DDX10: variants seen among roughly 807,000 people sequenced by gnomAD.
The protein encoded by DDX10 is probable ATP-dependent RNA helicase DDX10.
A neutral mutation model predicts 104.3 loss-of-function variants in DDX10; 74 were observed. The ratio of observed to expected loss-of-function variants is 0.71; its 90% confidence interval spans 0.59 to 0.86. DDX10 has a LOEUF of 0.86. Among genes scored for constraint, DDX10 ranks in the 40% least tolerant of loss-of-function variants. The pLI is 0.00. For synonymous variants in DDX10, 351 were observed against 353.4 expected (o/e 0.99, Z 0.08); for missense variants, 952 against 1,040.0 (o/e 0.92, Z 1.16).
intron 13 of DDX10, among the ~76,000 whole-genome samples, chr11:108,802,164 G>A (rs1862031432): frequency 6.6e-6 from 1 of 152,044 alleles, no homozygotes; most frequent in Non-Finnish European, 1.5e-5. Flanking sequence ...ATATGCATGG[G>A]ACCAGAAGTG....
At chr11:108,916,349 T>C (rs1343010703) in intron 16 of DDX10, among the ~76,000 whole-genome samples, 1 of 152,218 alleles carries the variant, frequency 6.6e-6, no homozygotes, top group African/African-American at 2.4e-5. Flanking sequence ...CTGTCAAGTG[T>C]GCTGCTTAAT....
At chr11:108,749,037 T>A (rs1354290345) in intron 13 of DDX10, among the ~76,000 whole-genome samples, 1 of 151,902 alleles carries the variant, frequency 6.6e-6, no homozygotes, top group East Asian at 1.9e-4. Flanking sequence ...ACCATAAATA[T>A]CTAGACAACC....
intron 13 of DDX10, among the ~76,000 whole-genome samples, chr11:108,809,766 CT>C (rs1184948271): frequency 6.6e-6 from 1 of 152,106 alleles, no homozygotes; most frequent in Non-Finnish European, 1.5e-5. Context: ...GTAGCAGTGT[CT>C]GGTATGGTGC....
At position 108,746,761 on chromosome 11, in the gene DDX10, A is replaced by T. The variant is rs187734451; in HGVS notation, c.1965+23299A>T. Among the ~76,000 whole-genome samples, 118 of 152,262 alleles carry T rather than the reference A, an allele frequency of 7.7e-4. 1 individual carries two copies. Among genetic ancestry groups the T allele is most frequent in the African/African-American group, 2.7e-3 (112 of 41,570 alleles). On this transcript the variant is annotated intron_variant, in intron 13 of 17. Coordinates refer to ENST00000322536, the MANE Select transcript of DDX10 (RefSeq NM_004398.4). ...TTACAGCCATCTCACTAGATAGGAA[A>T]TAGTATCTTTATGGTTCTGATTTGC...
Position 108,838,558 on chromosome 11 carries a change from A to C in DDX10, c.2078A>C (p.Glu693Ala). Residue 693 changes from glutamate (E) to alanine (A), a missense_variant, in exon 14 of 18, where the codon GAA becomes GCA. This residue lies in a region of DDX10 where 533 missense variants were observed against 534.1 expected (regional missense o/e 1.00). Transcript: ENST00000322536. ...AATAAGAAGATAACATTTACTGATG[A>C]AGGGGAGGTAAGATTCTAGAAGTGT... is the stretch of plus-strand genomic sequence containing the variant. The part of the protein sequence containing the change: ...KVNKKITFTD[E>A]GELVQQWPQM... The C allele has an allele frequency of 6.2e-7, 1 of 1,608,534 alleles. No individual in the cohort carries two copies. Among genetic ancestry groups the C allele is most frequent in the Non-Finnish European group, 8.5e-7 (1 of 1,177,664 alleles).
chr11:108,719,948 A>C lies in DDX10; in HGVS notation c.1499+63A>C, dbSNP rs181811302. 1,351 of 1,041,166 alleles carry C rather than the reference A, an allele frequency of 1.3e-3. 6 individuals are homozygous for C. The highest frequency in any genetic ancestry group is 1.9e-3 in the Non-Finnish European group (1,236 of 667,304). The allele number at this position is 1,041,166 out of a possible 1,614,324, so 64.5% of individuals were successfully genotyped here. A position where few individuals can be genotyped will look rare whatever the true frequency, so the allele number is the denominator to read the frequency against. On this transcript the variant is annotated intron_variant, in intron 12 of 17. Transcript: ENST00000322536. ...AAGGTTAGAGGGAATTAATTAATTAATTTAGAGATGGGGTCTTGCTATGTT... is the reference window on the plus strand; with the variant it reads ...AAGGTTAGAGGGAATTAATTAATTACTTTAGAGATGGGGTCTTGCTATGTT...
intron 16 of DDX10, among the ~76,000 whole-genome samples, chr11:108,904,265 G>C (rs1229156270): frequency 6.6e-6 from 1 of 152,134 alleles, no homozygotes; most frequent in Admixed American, 6.5e-5. Context: ...ATAGTTTTTG[G>C]TTGGAAACCA....
At chr11:108,701,571 A>G (rs947938775) in intron 9 of DDX10, among the ~76,000 whole-genome samples, 2 of 151,100 alleles carry the variant, frequency 1.3e-5, no homozygotes. Context: ...GTAAATAGTG[A>G]TTTATTTTAT....
chr11:108,846,753 T>G lies in DDX10; in HGVS notation c.2247+5277T>G, dbSNP rs34596273. Among the ~76,000 whole-genome samples the G allele has an allele frequency of 5.3e-5, 8 of 152,300 alleles. No individual in the cohort carries two copies. The East Asian group carries it at 1.5e-3, about 29-fold the overall frequency. On this transcript the variant is annotated intron_variant, in intron 15 of 17. Transcript: ENST00000322536. ...ATAAACATGAGAGTGCAGACATCTATTTGACATACGAATTTCAATTCCCTT... is the reference window on the plus strand; with the variant it reads ...ATAAACATGAGAGTGCAGACATCTAGTTGACATACGAATTTCAATTCCCTT...
rs137942802 is a variant in DDX10, at chr11:108,679,510, G to A, written c.798G>A (p.Leu266=). The A allele has an allele frequency of 3.3e-5, 53 of 1,612,318 alleles. No individual in the cohort carries two copies. Among genetic ancestry groups the A allele is most frequent in the African/African-American group, 5.3e-5 (4 of 74,800 alleles). The part of the protein sequence containing the change: ...QTKSVKDLAR[L]SLKNPEYVWV... Reference sequence around the variant, plus strand: ...AATCTGTAAAGGACCTTGCACGCTTGAGTTTGAAAAACCCTGAGTATGTCT... The same window carrying A: ...AATCTGTAAAGGACCTTGCACGCTTAAGTTTGAAAAACCCTGAGTATGTCT... The change falls in exon 6 of 18, where the codon TTG becomes TTA. Residue 266 remains leucine (L), a synonymous_variant. Coordinates refer to ENST00000322536, the MANE Select transcript of DDX10 (RefSeq NM_004398.4).
rs563900498 is a variant in DDX10 at position 108,830,412 on chromosome 11, G to C, written c.1966-8034G>C. Reference sequence around the variant, plus strand: ...CTTTAATTTTGTATCCTGAAAGTTTGCTGAATTCATTTACCGGTTCTGGGA... The same window carrying C: ...CTTTAATTTTGTATCCTGAAAGTTTCCTGAATTCATTTACCGGTTCTGGGA... On this transcript the variant is annotated intron_variant, in intron 13 of 17. Transcript: ENST00000322536. Among the ~76,000 whole-genome samples the C allele has an allele frequency of 4.6e-5, 7 of 152,264 alleles. No homozygotes were observed. In the South Asian group the frequency reaches 1.5e-3, roughly 32 times the overall value.
At chr11:108,932,339 G>A (rs1365507073) in intron 17 of DDX10, among the ~76,000 whole-genome samples, 1 of 151,928 alleles carries the variant, frequency 6.6e-6, no homozygotes, top group Non-Finnish European at 1.5e-5. Context: ...CTTTGAAAAT[G>A]GGAACCAGGC....
intron 13 of DDX10, among the ~76,000 whole-genome samples, chr11:108,746,243 T>C (rs1565265906): frequency 2.6e-5 from 4 of 152,124 alleles, no homozygotes; most frequent in Admixed American, 1.3e-4. Context: ...TCTCTATATA[T>C]AGATTTACTT....
chr11:108,666,262 G>A (rs2094209973), intron 1 of DDX10, among the ~76,000 whole-genome samples: 1 of 152,138 alleles, frequency 6.6e-6, no homozygotes, highest in Non-Finnish European at 1.5e-5. Context: ...CAGAGATCTT[G>A]AGGTCAGGAG....
intron 13 of DDX10, among the ~76,000 whole-genome samples, chr11:108,747,817 A>G (rs2094333682): frequency 6.6e-6 from 1 of 152,152 alleles, no homozygotes; most frequent in Non-Finnish European, 1.5e-5. Context: ...TGCTGGAAAC[A>G]TTATGACCCT....
chr11:108,885,007 C>T (rs553273215), intron 16 of DDX10, among the ~76,000 whole-genome samples: 9 of 152,268 alleles, frequency 5.9e-5, no homozygotes, highest in Non-Finnish European at 1.0e-4. Context: ...ACCAAAAACA[C>T]GAATCAAGCT....
chr11:108,913,749 T>C (rs1207418045), intron 16 of DDX10, among the ~76,000 whole-genome samples: 2 of 152,200 alleles, frequency 1.3e-5, no homozygotes, highest in Non-Finnish European at 2.9e-5. Context: ...ATGTCCATTT[T>C]CTTACCGTAT....
chr11:108,736,243 T>C (rs1429188117), intron 13 of DDX10, among the ~76,000 whole-genome samples: 1 of 151,982 alleles, frequency 6.6e-6, no homozygotes, highest in Non-Finnish European at 1.5e-5. Context: ...AACCTCATTC[T>C]GTATTCTTCT....
chr11:108,840,207 T>C lies in DDX10; in HGVS notation c.2086-1108T>C, dbSNP rs1862617959. Among the ~76,000 whole-genome samples, 2 of 152,138 alleles carry C rather than the reference T, an allele frequency of 1.3e-5. 1 individual carries two copies. The highest frequency in any genetic ancestry group is 4.1e-4 in the South Asian group (2 of 4,832). On this transcript the variant is annotated intron_variant, in intron 14 of 17. Coordinates refer to ENST00000322536, the MANE Select transcript of DDX10 (RefSeq NM_004398.4). ...AGTGACTGCTAGCATGGCTGCTCAG[T>C]GATATTTATCAACCCCATTGGTTGC...
Sources: allele counts gnomAD v4.1 joint callset (sites outside exome capture counted in the v4.1 genomes callset), GRCh38; gene constraint gnomAD v4.1.1; regional missense constraint gnomAD v4.1.1; transcripts MANE v1.5; gene names NCBI Gene and HGNC (gene_info 2026-07-23, HGNC 2026-07-21).